PDE1C: variants seen among roughly 807,000 people sequenced by gnomAD.
The protein encoded by PDE1C is dual specificity calcium/calmodulin-dependent 3',5'-cyclic nucleotide phosphodiesterase 1C.
Under a neutral mutation model 93.1 loss-of-function variants are expected in PDE1C, and 62 were observed. That is an observed-to-expected ratio of 0.67 (90% CI 0.54 to 0.82). The LOEUF is 0.82. Ranked by LOEUF, PDE1C falls within the 40% of genes least tolerant of loss-of-function variation. PDE1C has a pLI of 0.00. For synonymous variants in PDE1C, 325 were observed against 310.1 expected (o/e 1.05, Z -0.50); for missense variants, 742 against 884.6 (o/e 0.84, Z 2.04).
intron 1 of PDE1C, among the ~76,000 whole-genome samples, chr7:32,334,536 C>G (rs796794967): frequency 7.2e-5 from 11 of 152,126 alleles, no homozygotes; most frequent in African/African-American, 2.2e-4. Context: ...ACCCATCACC[C>G]GGGCAGTATA....
At chr7:31,994,543 T>C (rs1041305979) in intron 2 of PDE1C, among the ~76,000 whole-genome samples, 2 of 152,130 alleles carry the variant, frequency 1.3e-5, no homozygotes, top group African/African-American at 4.8e-5. Context: ...TTAAGTGAGA[T>C]TATAGAAGGC....
intron 2 of PDE1C, among the ~76,000 whole-genome samples, chr7:31,900,207 TAA>T (rs900304114): frequency 2.0e-5 from 3 of 152,184 alleles, no homozygotes; most frequent in Admixed American, 2.0e-4. Flanking sequence ...AATTGTTTTA[TAA>T]GTCTTTCCAA....
chr7:32,203,207 G>A (rs531229874), intron 2 of PDE1C, among the ~76,000 whole-genome samples: 3 of 150,698 alleles, frequency 2.0e-5, no homozygotes, highest in South Asian at 2.1e-4. Context: ...TTTCTCAGTC[G>A]TTCCTCCCAC....
chr7:31,719,403 ACCTGTTT>A, the PDE1C span, among the ~76,000 whole-genome samples: 3 of 152,122 alleles, frequency 2.0e-5, no homozygotes, highest in African/African-American at 7.2e-5. Flanking sequence ...GCAAGTCGAC[ACCTGTTT>A]CCTTTGCTCT....
chr7:32,302,376 A>C (rs185613508), upstream of PDE1C, among the ~76,000 whole-genome samples: 1 of 152,352 alleles, frequency 6.6e-6, no homozygotes, highest in East Asian at 1.9e-4. Flanking sequence ...GTCAATAGCT[A>C]AGACTAATTA....
chr7:31,837,259 G>T lies in PDE1C; in HGVS notation c.1124C>A (p.Ala375Glu). Residue 375 changes from alanine to glutamate, a missense_variant, in exon 11 of 18, where the codon GCA (alanine) becomes GAA (glutamate). Ala to Glu is a moderately radical substitution (Grantham distance 107). This residue lies in a region of PDE1C where 454 missense variants were observed against 459.4 expected (regional missense o/e 0.99). Transcript: ENST00000396191. ...TGCTTTTGCTGGATGGCTAATATCTGCTGTATGCAGCATAAGGGATAAGGC... is the reference window on the plus strand; with the variant it reads ...TGCTTTTGCTGGATGGCTAATATCTTCTGTATGCAGCATAAGGGATAAGGC... ...PKALSLMLHT[A>E]DISHPAKAWD... The T allele has an allele frequency of 1.2e-6, 2 of 1,613,640 alleles. No homozygotes were observed. Among genetic ancestry groups the T allele is most frequent in the Non-Finnish European group, 1.7e-6 (2 of 1,179,698 alleles).
At chr7:32,255,303 T>C (rs1585036123) in intron 1 of PDE1C, among the ~76,000 whole-genome samples, 1 of 152,108 alleles carries the variant, frequency 6.6e-6, no homozygotes. Flanking sequence ...CCTCTCTCAC[T>C]GAGAGAGCAG....
intron 6 of PDE1C, among the ~76,000 whole-genome samples, chr7:31,868,888 T>C (rs1293264100): frequency 6.7e-6 from 1 of 149,748 alleles, no homozygotes; most frequent in Non-Finnish European, 1.5e-5. Flanking sequence ...GATAATACAG[T>C]CAAAGTCCTA....
At chr7:32,169,270 G>T (rs1213000171) in intron 3 of PDE1C, among the ~76,000 whole-genome samples, 1 of 152,176 alleles carries the variant, frequency 6.6e-6, no homozygotes, top group Non-Finnish European at 1.5e-5. Flanking sequence ...GCAGGAAGAT[G>T]CAAGACTAAA....
At chr7:31,944,643 C>G (rs1213260328) in intron 2 of PDE1C, among the ~76,000 whole-genome samples, 1 of 152,174 alleles carries the variant, frequency 6.6e-6, no homozygotes, top group East Asian at 1.9e-4. Context: ...TTTAAAACAC[C>G]ATATATCCCC....
intron 2 of PDE1C, among the ~76,000 whole-genome samples, chr7:31,959,433 TA>T (rs1808610877): frequency 6.6e-6 from 1 of 152,160 alleles, no homozygotes. Context: ...AGGCTGGTCT[TA>T]AACTCCTGGC....
At chr7:31,900,018 T>TA (rs1175822142) in intron 2 of PDE1C, among the ~76,000 whole-genome samples, 7 of 152,210 alleles carry the variant, frequency 4.6e-5, no homozygotes, top group Non-Finnish European at 1.0e-4. Context: ...AAATGTCAGT[T>TA]ACGCCAAGAA....
intron 2 of PDE1C, among the ~76,000 whole-genome samples, chr7:32,034,780 G>T (rs1584536024): frequency 6.6e-6 from 1 of 152,038 alleles, no homozygotes; most frequent in East Asian, 1.9e-4. Flanking sequence ...GACCTCAATT[G>T]AACCAAGCCC....
the PDE1C span, among the ~76,000 whole-genome samples, chr7:31,700,698 C>G: frequency 4.7e-4 from 71 of 152,258 alleles, 2 homozygotes; most frequent in Admixed American, 2.9e-3. Context: ...CAGGCCAACT[C>G]TCTTGTTAGG....
chr7:31,960,011 G>A (rs576923271), intron 2 of PDE1C, among the ~76,000 whole-genome samples: 20 of 146,846 alleles, frequency 1.4e-4, no homozygotes, highest in Non-Finnish European at 2.2e-4. Flanking sequence ...GATTACAAGC[G>A]CCCACCATCA....
chr7:32,101,926 AGAGT>A (rs1349695302), intron 3 of PDE1C, among the ~76,000 whole-genome samples: 1 of 152,158 alleles, frequency 6.6e-6, no homozygotes, highest in Admixed American at 6.5e-5. Context: ...ACATGGCAAT[AGAGT>A]GAGTGAGGGA....
intron 1 of PDE1C, among the ~76,000 whole-genome samples, chr7:32,353,615 T>C (rs1314012384): frequency 6.6e-6 from 1 of 151,360 alleles, no homozygotes; most frequent in African/African-American, 2.4e-5. Context: ...ACAGATGGCA[T>C]TTGACCAACA....
chr7:32,270,587 G>A (rs1042569534), intron 1 of PDE1C, among the ~76,000 whole-genome samples: 1 of 152,146 alleles, frequency 6.6e-6, no homozygotes, highest in Non-Finnish European at 1.5e-5. Context: ...GAAACTCTAC[G>A]TGTAAGGAGC....
intron 1 of PDE1C, among the ~76,000 whole-genome samples, chr7:32,417,370 CAT>C (rs1785296351): frequency 6.6e-6 from 1 of 151,868 alleles, no homozygotes; most frequent in African/African-American, 2.4e-5. Flanking sequence ...TAAAATCTCA[CAT>C]GTCTAATAAT....
Sources: gnomAD v4.1 joint callset for allele counts (sites outside exome capture counted in the v4.1 genomes callset) on GRCh38, gnomAD v4.1.1 for gene constraint, gnomAD v4.1.1 regional missense constraint, MANE v1.5 for transcripts, NCBI Gene and HGNC (gene_info 2026-07-23, HGNC 2026-07-21) for gene names.